HADH: variants seen among roughly 807,000 people sequenced by gnomAD.
HADH encodes the protein hydroxyacyl-coenzyme A dehydrogenase, mitochondrial.
HADH carries 24 observed loss-of-function variants against 32.2 expected under a neutral mutation model. That is an observed-to-expected ratio of 0.75 (90% CI 0.54 to 1.05). The LOEUF (loss-of-function observed/expected upper bound fraction) is 1.05, where lower values mean the gene tolerates loss of function less well. HADH is among the 50% of genes least tolerant of loss of function. HADH has a pLI of 0.00. For missense variants in HADH, 350 were observed against 397.1 expected (o/e 0.88, Z 1.01); for synonymous variants, 139 against 152.5 (o/e 0.91, Z 0.65).
At chr4:107,998,043 T>C (rs946497918) in intron 1 of HADH, among the ~76,000 whole-genome samples, 2 of 152,214 alleles carry the variant, frequency 1.3e-5, no homozygotes, top group Admixed American at 6.5e-5. Context: ...TACCAACAAA[T>C]GTCTTTATTC....
chr4:108,021,539 AT>A (rs911635134), intron 4 of HADH, among the ~76,000 whole-genome samples: 1 of 151,796 alleles, frequency 6.6e-6, no homozygotes, highest in African/African-American at 2.4e-5. Flanking sequence ...ATATATATGT[AT>A]TTTTTTTCAG....
intron 1 of HADH, among the ~76,000 whole-genome samples, chr4:107,991,457 G>GT (rs1734807583): frequency 6.6e-6 from 1 of 152,070 alleles, no homozygotes; most frequent in African/African-American, 2.4e-5. Flanking sequence ...TCCTTGGCAA[G>GT]TTTTTTACAA....
In HADH at chr4:107,989,895, T is replaced by C. The variant is rs17550794; in HGVS notation, c.-38T>C. 137,602 of 1,605,240 alleles carry C rather than the reference T, an allele frequency of 0.086. 8,304 individuals are homozygous for C. The highest frequency in any genetic ancestry group is 0.3 in the African/African-American group (22,737 of 74,696). The stretch of plus-strand genomic sequence containing the variant: ...GGCTGCCCGCCTCGCGCGTCTTCCC[T>C]GCCCGGGTCTCCTCGCTGTCGCCGC... On this transcript the variant is annotated 5_prime_UTR_variant, in exon 1 of 8. Coordinates refer to ENST00000309522, the MANE Select transcript of HADH (RefSeq NM_005327.7).
chr4:108,009,859 C>A lies in HADH; in HGVS notation c.233C>A (p.Ala78Glu). The A allele has an allele frequency of 6.2e-7, 1 of 1,611,018 alleles. No individual in the cohort carries two copies. Among genetic ancestry groups the A allele is most frequent in the Non-Finnish European group, 8.5e-7 (1 of 1,177,386 alleles). ...KGIEESLRKVAKKKFAENLKA... is the reference protein window; with the variant it reads ...KGIEESLRKVEKKKFAENLKA... ...ATTGAGGAAAGCCTTAGGAAAGTGG[C>A]AAAGAAGAAGTTTGCAGAAAACCTT... The change falls in exon 2 of 8, where the codon GCA (alanine) becomes GAA (glutamate). Residue 78 changes from alanine to glutamate, a missense_variant. Coordinates refer to ENST00000309522, the MANE Select transcript of HADH (RefSeq NM_005327.7).
At chr4:108,017,443 C>T (rs534376353) in intron 3 of HADH, among the ~76,000 whole-genome samples, 5 of 151,904 alleles carry the variant, frequency 3.3e-5, no homozygotes, top group South Asian at 2.1e-4. Flanking sequence ...CTTGTGTTGT[C>T]GATTTTCTTT....
intron 7 of HADH, among the ~76,000 whole-genome samples, chr4:108,033,693 A>G (rs1736356337): frequency 6.6e-6 from 1 of 152,262 alleles, no homozygotes; most frequent in South Asian, 2.1e-4. Context: ...ATACACATCC[A>G]TTTTAAAAAA....
In HADH at chr4:108,027,599, A is replaced by G; in HGVS notation, c.637-89A>G. ...TGATAAATGGGGGCAAACATGATCC[A>G]GGGTAAGAAGGGGCAATTTGGTGAC... On this transcript the variant is annotated intron_variant, in intron 5 of 7. Coordinates refer to ENST00000309522, the MANE Select transcript of HADH (RefSeq NM_005327.7). The G allele has an allele frequency of 4.8e-6, 4 of 834,638 alleles. No individual in the cohort carries two copies. The Admixed American group carries it at 5.1e-5, about 11-fold the overall frequency. The allele number at this position is 834,638 out of a possible 1,614,324, so 51.7% of individuals were successfully genotyped here.
At chr4:108,008,953 A>C (rs561768404) in intron 1 of HADH, among the ~76,000 whole-genome samples, 13 of 152,262 alleles carry the variant, frequency 8.5e-5, no homozygotes, top group African/African-American at 3.1e-4. Flanking sequence ...TTTGTCACTC[A>C]CTGTGACTAA....
At chr4:108,012,595 A>T (rs1298010608) in intron 2 of HADH, among the ~76,000 whole-genome samples, 1 of 152,246 alleles carries the variant, frequency 6.6e-6, no homozygotes, top group Non-Finnish European at 1.5e-5. Context: ...GCAAAGGCAG[A>T]TGAGAACAAA....
At chr4:108,017,105 G>A (rs1174991384) in intron 3 of HADH, among the ~76,000 whole-genome samples, 1 of 152,130 alleles carries the variant, frequency 6.6e-6, no homozygotes, top group Non-Finnish European at 1.5e-5. Context: ...TTGAATGCTT[G>A]CTACAATTTT....
At chr4:108,023,273 T>C (rs1012744950) in intron 4 of HADH, among the ~76,000 whole-genome samples, 6 of 152,238 alleles carry the variant, frequency 3.9e-5, no homozygotes, top group Non-Finnish European at 5.9e-5. Flanking sequence ...ATTACAGGCA[T>C]GAGCCACCAC....
chr4:107,990,813 G>C (rs564914381), intron 1 of HADH, among the ~76,000 whole-genome samples: 1 of 147,236 alleles, frequency 6.8e-6, no homozygotes, highest in Admixed American at 6.9e-5. Flanking sequence ...GCAATGGCGC[G>C]ATCTCGGTTC....
chr4:108,001,056 T>C (rs1735107051), intron 1 of HADH, among the ~76,000 whole-genome samples: 1 of 152,200 alleles, frequency 6.6e-6, no homozygotes, highest in Non-Finnish European at 1.5e-5. Flanking sequence ...AAAATCTAGT[T>C]CTGAGGTTTC....
At chr4:108,022,931 C>T (rs1011290892) in intron 4 of HADH, among the ~76,000 whole-genome samples, 10 of 152,054 alleles carry the variant, frequency 6.6e-5, no homozygotes, top group African/African-American at 2.2e-4. Flanking sequence ...CCTATACACA[C>T]ACGTACACAC....
At chr4:108,009,988 T>TTG (rs1419693005) in intron 2 of HADH, 101 bp downstream of exon 2, 1 of 877,562 alleles carries the variant, frequency 1.1e-6, no homozygotes, top group African/African-American at 1.7e-5. Context: ...TTTTTTTTTT[T>TTG]TTTTTTCAGT....
chr4:108,008,282 A>G (rs532595405), intron 1 of HADH, among the ~76,000 whole-genome samples: 73 of 152,260 alleles, frequency 4.8e-4, no homozygotes, highest in Non-Finnish European at 7.9e-4. Flanking sequence ...CCGGTTGCCC[A>G]GTCCTGGTTG....
At position 108,023,662 on chromosome 4, in the gene HADH, G is replaced by A. The variant is rs1735968313; in HGVS notation, c.636+99G>A. On this transcript the variant is annotated intron_variant, in intron 5 of 7. Transcript: ENST00000309522. ...TTCTCATAGAATGATGTGAAAGAAGGAGCATTGTATACTGCAAGCTTGTCC... is the reference window on the plus strand; with the variant it reads ...TTCTCATAGAATGATGTGAAAGAAGAAGCATTGTATACTGCAAGCTTGTCC... The A allele has an allele frequency of 2.3e-5, 19 of 812,852 alleles. No homozygotes were observed. In the South Asian group the frequency reaches 2.4e-4, roughly 10 times the overall value. 50.4% of individuals were successfully genotyped at this position (812,852 alleles called of 1,614,324 possible).
At chr4:108,001,372 A>G (rs1451549275) in intron 1 of HADH, among the ~76,000 whole-genome samples, 1 of 152,258 alleles carries the variant, frequency 6.6e-6, no homozygotes, top group Admixed American at 6.5e-5. Flanking sequence ...CCTTGAAGGA[A>G]GTCCTTGTTT....
chr4:108,007,263 C>T lies in HADH; in HGVS notation c.133-2496C>T, dbSNP rs142242849. ...CTGGGACTACAGGCGCCCGCCACCA[C>T]GCCCGGCTAATTTTTTGTATTTTTT... On this transcript the variant is annotated intron_variant, in intron 1 of 7. Coordinates refer to ENST00000309522, the MANE Select transcript of HADH (RefSeq NM_005327.7). Among the ~76,000 whole-genome samples the T allele has an allele frequency of 3.0e-3, 464 of 152,180 alleles. 5 individuals are homozygous for T. The highest frequency in any genetic ancestry group is 0.01 in the African/African-American group (419 of 41,524).
Sources: gnomAD v4.1 joint callset for allele counts (sites outside exome capture counted in the v4.1 genomes callset) on GRCh38, gnomAD v4.1.1 for gene constraint, MANE v1.5 for transcripts, NCBI Gene and HGNC (gene_info 2026-07-23, HGNC 2026-07-21) for gene names.